The following NRP2 variants were observed in gnomAD, a reference collection of about 807,000 sequenced individuals.
NRP2 encodes the protein neuropilin-2.
NRP2 carries 52 observed loss-of-function variants against 110.4 expected under a neutral mutation model. The ratio of observed to expected loss-of-function variants is 0.47; its 90% CI spans 0.38 to 0.59. The LOEUF is 0.59. Ranked by LOEUF, NRP2 falls within the 20% of genes least tolerant of loss-of-function variation. The pLI is 0.00. For missense variants in NRP2, 1,049 were observed against 1,203.0 expected (o/e 0.87, Z 1.89); for synonymous variants, 508 against 468.9 (o/e 1.08, Z -1.08).
At position 205,743,397 on chromosome 2, in the gene NRP2, A is replaced by G; in HGVS notation, c.1486A>G (p.Lys496Glu). 6.2e-7 allele frequency: 1 copy of G among 1,614,206 alleles called. No homozygotes were observed. The highest frequency in any genetic ancestry group is 8.5e-7 in the Non-Finnish European group (1 of 1,180,040). Residue 496 changes from lysine to glutamate, a missense_variant, in exon 9 of 17, where the codon AAG becomes GAG. Transcript: ENST00000357785. ...GCTTCAGGTAGATCTGGGAACACCC[A>G]AGACAGTGAAAGGTGTCATCATCCA... ...EWLQVDLGTPKTVKGVIIQGA... is the reference protein window; with the variant it reads ...EWLQVDLGTPETVKGVIIQGA...
chr2:205,717,459 G>A (rs918208230), intron 3 of NRP2, among the ~76,000 whole-genome samples: 14 of 152,228 alleles, frequency 9.2e-5, no homozygotes, highest in African/African-American at 3.4e-4. Flanking sequence ...GGTAGCTGCT[G>A]AAAGCACTTT....
intron 9 of NRP2, among the ~76,000 whole-genome samples, chr2:205,744,035 C>T (rs776431351): frequency 1.9e-4 from 29 of 152,276 alleles, no homozygotes; most frequent in East Asian, 7.7e-4. Context: ...TGAACCACCG[C>T]GCCCGGCCTG....
intron 5 of NRP2, among the ~76,000 whole-genome samples, chr2:205,724,767 A>G (rs1279949044): frequency 6.8e-6 from 1 of 148,116 alleles, no homozygotes; most frequent in Non-Finnish European, 1.5e-5. Context: ...CCCGGGTTTA[A>G]GCAATTCTCG....
chr2:205,790,987 G>C (rs936244821), intron 15 of NRP2, among the ~76,000 whole-genome samples: 1 of 152,236 alleles, frequency 6.6e-6, no homozygotes, highest in African/African-American at 2.4e-5. Context: ...GGATGAGAAT[G>C]TGCTTTAGCA....
At chr2:205,711,747 C>T (rs186366961) in intron 2 of NRP2, among the ~76,000 whole-genome samples, 18 of 152,280 alleles carry the variant, frequency 1.2e-4, no homozygotes, top group African/African-American at 4.1e-4. Context: ...ACTCTATCTT[C>T]GATACAGAAA....
chr2:205,732,281 A>C (rs776425456), intron 7 of NRP2, among the ~76,000 whole-genome samples: 65 of 152,236 alleles, frequency 4.3e-4, no homozygotes, highest in Non-Finnish European at 7.3e-4. Flanking sequence ...ATTTGGCCAC[A>C]TCCCTTCAAA....
chr2:205,767,098 G>T, intron 15 of NRP2: 2 of 456,868 alleles, frequency 4.4e-6, no homozygotes, highest in East Asian at 4.1e-5. Context: ...CAATGAGGCT[G>T]AAAATGCAGG....
chr2:205,745,153 T>C (rs944598364), intron 9 of NRP2, among the ~76,000 whole-genome samples: 1 of 152,118 alleles, frequency 6.6e-6, no homozygotes, highest in Non-Finnish European at 1.5e-5. Flanking sequence ...GGGCTCCATG[T>C]GAGGTTTCTT....
intron 15 of NRP2, chr2:205,776,142 G>C (rs1273633046): frequency 1.7e-6 from 2 of 1,158,720 alleles, no homozygotes; most frequent in Non-Finnish European, 2.6e-6. Context: ...ACCCTTCCCT[G>C]TATGTCCCAA....
At chr2:205,697,480 G>T (rs1050032056) in intron 1 of NRP2, 64 bp from the exon 2 acceptor site, 2 of 1,395,156 alleles carry the variant, frequency 1.4e-6, no homozygotes, top group African/African-American at 1.4e-5. Context: ...GAGAAGGAGG[G>T]AGTGTGGGGG....
chr2:205,767,163 AG>A, intron 15 of NRP2: 1 of 347,178 alleles, frequency 2.9e-6, no homozygotes. Context: ...AAAAAAAATC[AG>A]TATAAATTAA....
At position 205,727,971 on chromosome 2, in the gene NRP2, T is replaced by C. The variant is rs849526; in HGVS notation, c.1071T>C (p.Tyr357=). ...AISRETQNGY[Y]VKSYKLEVST... Reference sequence around the variant, plus strand: ...CCAGGGAAACACAGAATGGCTACTATGTCAAATCCTACAAGCTGGAAGTCA... The same window carrying C: ...CCAGGGAAACACAGAATGGCTACTACGTCAAATCCTACAAGCTGGAAGTCA... Residue 357 remains tyrosine, a synonymous_variant, in exon 7 of 17, where the codon TAT becomes TAC. Transcript: ENST00000357785. 0.55 allele frequency: 885,402 copies of C among 1,613,822 alleles called. 253,072 individuals are homozygous for C. Among genetic ancestry groups the C allele is most frequent in the East Asian group, 0.78 (34,802 of 44,852 alleles).
At chr2:205,702,530 A>G (rs1241392926) in intron 2 of NRP2, among the ~76,000 whole-genome samples, 1 of 152,142 alleles carries the variant, frequency 6.6e-6, no homozygotes, top group Admixed American at 6.5e-5. Context: ...GGTTTTGGAT[A>G]TTTGCCTCTA....
chr2:205,743,271 T>G lies in NRP2; in HGVS notation c.1360T>G (p.Ser454Ala). Residue 454 changes from serine to alanine, a missense_variant, in exon 9 of 17, where the codon TCC becomes GCC. Ser to Ala is a moderately conservative substitution (Grantham distance 99). Coordinates refer to ENST00000357785, the MANE Select transcript of NRP2 (RefSeq NM_003872.3). ...LIADSQISAS[S>A]TQEYLWSPSA... ...TGCAGACTCCCAGATCTCCGCCTCT[T>G]CCACCCAGGAATACCTCTGGAGCCC... is the stretch of plus-strand genomic sequence containing the variant. 6.2e-7 allele frequency: 1 copy of G among 1,614,100 alleles called. No individual in the cohort carries two copies. Among genetic ancestry groups the G allele is most frequent in the South Asian group, 1.1e-5 (1 of 91,072 alleles).
intron 12 of NRP2, among the ~76,000 whole-genome samples, chr2:205,757,404 G>A (rs1286665559): frequency 6.6e-6 from 1 of 152,068 alleles, no homozygotes; most frequent in African/African-American, 2.4e-5. Flanking sequence ...CGTTAGAGTG[G>A]GAGACCTTAG....
At chr2:205,745,643 T>G in intron 9 of NRP2, 103 bp from the exon 10 acceptor site, 2 of 1,385,736 alleles carry the variant, frequency 1.4e-6, no homozygotes, top group Non-Finnish European at 2.0e-6. Flanking sequence ...GCTGCCTTCC[T>G]AGCAGGACGT....
At chr2:205,736,264 AC>A (rs2057340587) in intron 7 of NRP2, among the ~76,000 whole-genome samples, 1 of 151,990 alleles carries the variant, frequency 6.6e-6, no homozygotes, top group South Asian at 2.1e-4. Context: ...ATTGCTTGAA[AC>A]CGGGAGGCAG....
At chr2:205,769,226 A>G (rs1198222797) in intron 15 of NRP2, among the ~76,000 whole-genome samples, 2 of 152,134 alleles carry the variant, frequency 1.3e-5, no homozygotes, top group South Asian at 4.1e-4. Context: ...AGGCATTTAC[A>G]TTGTTATACA....
Position 205,686,491 on chromosome 2 carries a change from G to A in NRP2, c.73+3128G>A, listed in dbSNP as rs887961652. Among the ~76,000 whole-genome samples, 1 of 152,224 alleles carries A rather than the reference G, an allele frequency of 6.6e-6. No individual in the cohort carries two copies. Among genetic ancestry groups the A allele is most frequent in the African/African-American group, 2.4e-5 (1 of 41,460 alleles). ...ACACAAGTTAATGGAGGCAAGGCGC[G>A]CTCTGATTGAAGGGCTGCCCCCGCC... On this transcript the variant is annotated intron_variant, in intron 1 of 16. Coordinates refer to ENST00000357785, the MANE Select transcript of NRP2 (RefSeq NM_003872.3). The surrounding 1 kb of genome is among the most constrained non-coding windows in gnomAD (Gnocchi z 4.7).
Sources: allele counts gnomAD v4.1 joint callset (sites outside exome capture counted in the v4.1 genomes callset), GRCh38; gene constraint gnomAD v4.1.1; non-coding constraint Gnocchi (gnomAD v3.1); transcripts MANE v1.5; gene names NCBI Gene and HGNC (gene_info 2026-07-23, HGNC 2026-07-21).